Variants in NLGN1 observed in about 807,000 individuals in gnomAD.
NLGN1 encodes the protein neuroligin 1, also known as neuroligin-1.
NLGN1 carries 12 observed loss-of-function variants against 65.5 expected under a neutral mutation model. That is an observed-to-expected ratio of 0.18 (90% confidence interval 0.12 to 0.30). NLGN1 has a LOEUF of 0.30. Ranked by LOEUF, NLGN1 falls within the 10% of genes least tolerant of loss-of-function variation. The pLI, the probability that NLGN1 is intolerant of heterozygous loss-of-function variation, is 1.00. For missense variants in NLGN1, 750 were observed against 1,007.1 expected (o/e 0.74, Z 3.46); for synonymous variants, 350 against 359.5 (o/e 0.97, Z 0.30).
chr3:173,615,494 C>T (rs1481221318), intron 3 of NLGN1, among the ~76,000 whole-genome samples: 1 of 151,798 alleles, frequency 6.6e-6, no homozygotes, highest in Non-Finnish European at 1.5e-5. Context: ...ATTAAAATCT[C>T]CAAAAAACAA....
At chr3:173,846,764 A>C (rs979025777) in intron 4 of NLGN1, among the ~76,000 whole-genome samples, 2 of 152,248 alleles carry the variant, frequency 1.3e-5, no homozygotes, top group African/African-American at 4.8e-5. Flanking sequence ...ATGCATGCTT[A>C]CAGTATTCAC....
intron 2 of NLGN1, among the ~76,000 whole-genome samples, chr3:173,565,225 C>T (rs899037541): frequency 3.3e-5 from 5 of 152,168 alleles, no homozygotes; most frequent in African/African-American, 1.2e-4. Flanking sequence ...AGACAGTAGT[C>T]AGTTCCAGGC....
At chr3:173,950,234 T>G (rs1747939322) in intron 4 of NLGN1, among the ~76,000 whole-genome samples, 1 of 152,182 alleles carries the variant, frequency 6.6e-6, no homozygotes, top group Admixed American at 6.5e-5. Flanking sequence ...TGTAAAACTT[T>G]CATTCAGCCA....
At chr3:173,711,402 G>A (rs1046531542) in intron 3 of NLGN1, among the ~76,000 whole-genome samples, 1 of 152,132 alleles carries the variant, frequency 6.6e-6, no homozygotes, top group African/African-American at 2.4e-5. Flanking sequence ...AGTCACCAAT[G>A]AAACACAGAC....
At chr3:174,072,426 T>C (rs193093635) in intron 4 of NLGN1, among the ~76,000 whole-genome samples, 1 of 152,242 alleles carries the variant, frequency 6.6e-6, no homozygotes, top group Admixed American at 6.5e-5. Flanking sequence ...CAGTGTGTGC[T>C]GTAATGGTTA....
intron 3 of NLGN1, among the ~76,000 whole-genome samples, chr3:173,672,332 G>A (rs1762555842): frequency 6.6e-6 from 1 of 152,150 alleles, no homozygotes; most frequent in Admixed American, 6.5e-5. Context: ...AGATGTTTTT[G>A]ATCCATACCT....
At chr3:173,547,870 CG>C (rs1177776364) in intron 2 of NLGN1, among the ~76,000 whole-genome samples, 1 of 151,844 alleles carries the variant, frequency 6.6e-6, no homozygotes, top group Non-Finnish European at 1.5e-5. Context: ...GGGGTAGGAA[CG>C]GAAGTCTTGG....
chr3:174,279,722 T>C lies in NLGN1; in HGVS notation c.1649+72T>C. 2 of 870,984 alleles carry C rather than the reference T, an allele frequency of 2.3e-6. No homozygotes were observed. Among genetic ancestry groups the C allele is most frequent in the Non-Finnish European group, 3.5e-6 (2 of 565,474 alleles). The allele number at this position is 870,984 out of a possible 1,614,324, so 54.0% of individuals were successfully genotyped here. A position where few individuals can be genotyped will look rare whatever the true frequency, so the allele number is the denominator to read the frequency against. ...TAACCATTTTAAAATAATAGATATT[T>C]ATGCCCAGATAATGTCATATTGGAT... On this transcript the variant is annotated intron_variant, in intron 6 of 6. Coordinates refer to ENST00000457714, the Ensembl canonical transcript of NLGN1. The surrounding 1 kb of genome is among the most constrained non-coding windows in gnomAD (Gnocchi z 4.7).
intron 3 of NLGN1, among the ~76,000 whole-genome samples, chr3:173,759,666 T>A (rs957157017): frequency 2.0e-5 from 3 of 151,924 alleles, no homozygotes; most frequent in African/African-American, 7.2e-5. Context: ...TCCCTTACAC[T>A]CTGGGGTTGT....
intron 4 of NLGN1, among the ~76,000 whole-genome samples, chr3:174,240,261 CAA>C (rs1452021251): frequency 6.6e-6 from 1 of 151,804 alleles, no homozygotes; most frequent in Non-Finnish European, 1.5e-5. Flanking sequence ...GAAGAAAAAA[CAA>C]AGTTGAAATG....
At chr3:173,993,654 TGATAGATAGATAGATA>T (rs10648000) in intron 4 of NLGN1, among the ~76,000 whole-genome samples, 5 of 147,376 alleles carry the variant, frequency 3.4e-5, no homozygotes, top group South Asian at 2.2e-4. Context: ...GCTAGATAGA[TGATAGATAGATAGATA>T]GATAGATAGA....
At chr3:173,502,950 T>C (rs980968063) in intron 2 of NLGN1, among the ~76,000 whole-genome samples, 2 of 152,126 alleles carry the variant, frequency 1.3e-5, no homozygotes, top group African/African-American at 2.4e-5. Context: ...TTGAATTATA[T>C]ATGAATCACA....
At chr3:174,246,696 G>T (rs1376448053) in intron 4 of NLGN1, among the ~76,000 whole-genome samples, 1 of 152,034 alleles carries the variant, frequency 6.6e-6, no homozygotes, top group Non-Finnish European at 1.5e-5. Context: ...TGTGATTACA[G>T]GTGTGAGCCA....
chr3:173,616,125 A>G (rs1054959104), intron 3 of NLGN1, among the ~76,000 whole-genome samples: 2 of 151,684 alleles, frequency 1.3e-5, no homozygotes, highest in Non-Finnish European at 2.9e-5. Flanking sequence ...AATAGAAGTT[A>G]CCCCTTACAT....
intron 3 of NLGN1, among the ~76,000 whole-genome samples, chr3:173,744,065 T>A (rs1395534219): frequency 6.6e-6 from 1 of 152,118 alleles, no homozygotes. Context: ...TATAACATGA[T>A]ATAGTAAGGG....
intron 4 of NLGN1, among the ~76,000 whole-genome samples, chr3:174,137,822 G>GTTA (rs1721495409): frequency 6.6e-6 from 1 of 152,014 alleles, no homozygotes; most frequent in Non-Finnish European, 1.5e-5. Flanking sequence ...AGGTAGAAAG[G>GTTA]GGCATTACTA....
At chr3:173,805,890 A>T (rs1716533932) in intron 3 of NLGN1, among the ~76,000 whole-genome samples, 1 of 152,194 alleles carries the variant, frequency 6.6e-6, no homozygotes, top group Admixed American at 6.5e-5. Flanking sequence ...TCTCTGTGTA[A>T]GTCTAACATC....
At chr3:174,026,492 A>G (rs1352680971) in intron 4 of NLGN1, among the ~76,000 whole-genome samples, 1 of 152,176 alleles carries the variant, frequency 6.6e-6, no homozygotes, top group Non-Finnish European at 1.5e-5. Flanking sequence ...CTTAAAAATG[A>G]TGAGTGAAAA....
chr3:174,092,915 A>C (rs1744795268), intron 4 of NLGN1, among the ~76,000 whole-genome samples: 1 of 152,114 alleles, frequency 6.6e-6, no homozygotes, highest in Non-Finnish European at 1.5e-5. Context: ...CAAGTCCTTA[A>C]ATTTTCTAAG....
Sources: allele counts gnomAD v4.1 joint callset (sites outside exome capture counted in the v4.1 genomes callset), GRCh38; gene constraint gnomAD v4.1.1; non-coding constraint Gnocchi (gnomAD v3.1); transcripts MANE v1.5; gene names NCBI Gene and HGNC (gene_info 2026-07-23, HGNC 2026-07-21).